Variants in RALY observed in about 807,000 individuals in gnomAD.
RALY encodes the protein RNA-binding protein Raly.
In RALY, 15 loss-of-function variants were observed where a neutral mutation model predicts 30.7. The ratio of observed to expected loss-of-function variants is 0.49; its 90% confidence interval spans 0.33 to 0.75. The LOEUF (loss-of-function observed/expected upper bound fraction) is 0.75, where lower values mean the gene tolerates loss of function less well. Ranked by LOEUF, RALY falls within the 30% of genes least tolerant of loss-of-function variation. The pLI, the probability that RALY is intolerant of heterozygous loss-of-function variation, is 0.02. For missense variants in RALY, 339 were observed against 414.3 expected (o/e 0.82, Z 1.58); for synonymous variants, 177 against 170.8 (o/e 1.04, Z -0.28).
At chr20:34,061,237 T>A (rs983036486) in intron 2 of RALY, among the ~76,000 whole-genome samples, 5 of 152,162 alleles carry the variant, frequency 3.3e-5, no homozygotes, top group African/African-American at 1.2e-4. Flanking sequence ...TAGCATGACG[T>A]AGAGCAGAGA....
chr20:33,995,911 C>G (rs981817411), intron 1 of RALY, among the ~76,000 whole-genome samples: 1 of 152,172 alleles, frequency 6.6e-6, no homozygotes, highest in African/African-American at 2.4e-5. Context: ...TTATTCAGGT[C>G]TTAAGGTCAG....
At chr20:34,041,688 A>G (rs2032707016) in intron 2 of RALY, among the ~76,000 whole-genome samples, 1 of 152,090 alleles carries the variant, frequency 6.6e-6, no homozygotes, top group Non-Finnish European at 1.5e-5. Context: ...TTGTTTCTGT[A>G]TTTTCCCCAG....
chr20:34,058,371 C>A (rs761984061), intron 2 of RALY, among the ~76,000 whole-genome samples: 1 of 152,004 alleles, frequency 6.6e-6, no homozygotes, highest in Non-Finnish European at 1.5e-5. Context: ...TTCATTACAC[C>A]AAGTTTATTA....
At chr20:34,028,565 G>T (rs369472749) in intron 1 of RALY, among the ~76,000 whole-genome samples, 1 of 151,716 alleles carries the variant, frequency 6.6e-6, no homozygotes, top group Non-Finnish European at 1.5e-5. Flanking sequence ...TTAGCCAGGC[G>T]TGGTGGCAGG....
chr20:34,075,922 G>A lies in RALY; in HGVS notation c.426G>A (p.Ala142=), dbSNP rs754298420. The change falls in exon 6 of 10, where the codon GCG becomes GCA. Residue 142 remains alanine, a synonymous_variant. Transcript: ENST00000246194. ...TGTCGCCCGTGCCAGTGCCCAGGGCGGTCCCTGTGAAGCGACCCCGGGTCA... is the reference window on the plus strand; with the variant it reads ...TGTCGCCCGTGCCAGTGCCCAGGGCAGTCCCTGTGAAGCGACCCCGGGTCA... ...GRLSPVPVPR[A]VPVKRPRVTV... 2.2e-5 allele frequency: 35 copies of A among 1,613,976 alleles called. 1 individual carries two copies. The Admixed American group carries it at 5.0e-4, about 23-fold the overall frequency.
At chr20:34,027,718 T>C (rs2032096720) in intron 1 of RALY, among the ~76,000 whole-genome samples, 1 of 152,322 alleles carries the variant, frequency 6.6e-6, no homozygotes, top group South Asian at 2.1e-4. Context: ...ACAGCTAGTA[T>C]CAGGAAATAT....
chr20:34,072,959 TGAGA>T (rs1555809418), intron 3 of RALY, among the ~76,000 whole-genome samples: 1 of 148,892 alleles, frequency 6.7e-6, no homozygotes, highest in African/African-American at 2.5e-5. Context: ...TGTGTGTGTG[TGAGA>T]GAGAGAACAT....
At chr20:34,031,098 T>G (rs937219743) in intron 1 of RALY, among the ~76,000 whole-genome samples, 5 of 138,668 alleles carry the variant, frequency 3.6e-5, no homozygotes, top group Admixed American at 3.0e-4. Context: ...CAGGCTGTAG[T>G]GCAGTGGCAC....
chr20:34,039,598 T>C (rs988602799), intron 2 of RALY, among the ~76,000 whole-genome samples: 4 of 152,238 alleles, frequency 2.6e-5, no homozygotes, highest in African/African-American at 9.6e-5. Flanking sequence ...CCAGCCAGGC[T>C]TTGTCTAGCC....
At chr20:34,054,481 G>T (rs547378398) in intron 2 of RALY, among the ~76,000 whole-genome samples, 1 of 152,200 alleles carries the variant, frequency 6.6e-6, no homozygotes, top group Admixed American at 6.5e-5. Context: ...CGTCACATCA[G>T]TGGGTTTGTA....
At chr20:34,021,904 T>G (rs1192666086) in intron 1 of RALY, among the ~76,000 whole-genome samples, 1 of 151,114 alleles carries the variant, frequency 6.6e-6, no homozygotes, top group African/African-American at 2.4e-5. Context: ...TTCTTTTAAG[T>G]TTTTTTATTA....
At chr20:33,994,522 C>G (rs1294013853) in intron 1 of RALY, among the ~76,000 whole-genome samples, 1 of 152,246 alleles carries the variant, frequency 6.6e-6, no homozygotes, top group Admixed American at 6.5e-5. Flanking sequence ...CCGGGGAGGC[C>G]GCAGGCGGGC....
chr20:34,075,771 C>T (rs973048770), intron 5 of RALY, 103 bp from the exon 6 acceptor site: 2 of 1,305,588 alleles, frequency 1.5e-6, no homozygotes, highest in Non-Finnish European at 2.1e-6. Flanking sequence ...GTAGTGCAGG[C>T]CTCCCAGCCC....
At chr20:34,019,832 C>T (rs1409272202) in intron 1 of RALY, among the ~76,000 whole-genome samples, 5 of 152,088 alleles carry the variant, frequency 3.3e-5, no homozygotes, top group East Asian at 1.9e-4. Flanking sequence ...GAGGCCGAGG[C>T]GGGCGGATCA....
At chr20:34,048,269 G>A (rs143928835) in intron 2 of RALY, among the ~76,000 whole-genome samples, 41 of 152,302 alleles carry the variant, frequency 2.7e-4, no homozygotes, top group African/African-American at 9.1e-4. Flanking sequence ...CCAATGGGCT[G>A]GGAGGCTCCT....
intron 1 of RALY, among the ~76,000 whole-genome samples, chr20:34,028,774 G>A (rs938573327): frequency 4.8e-5 from 7 of 147,346 alleles, no homozygotes; most frequent in African/African-American, 7.6e-5. Flanking sequence ...TCAGGATTAC[G>A]TCATAGATTC....
At chr20:34,078,633 G>C in intron 9 of RALY, 80 bp downstream of exon 9, 3 of 1,329,526 alleles carry the variant, frequency 2.3e-6, no homozygotes, top group Non-Finnish European at 3.0e-6. Context: ...GATTGGGCAG[G>C]AAGTGTCACG....
chr20:34,042,607 A>T (rs1300029157), intron 2 of RALY, among the ~76,000 whole-genome samples: 2 of 152,352 alleles, frequency 1.3e-5, no homozygotes, highest in East Asian at 3.9e-4. Context: ...AGCATGTGTC[A>T]GGTTTTGTTT....
At chr20:34,073,941 C>T in intron 5 of RALY, 75 bp downstream of exon 5, 1 of 1,518,766 alleles carries the variant, frequency 6.6e-7, no homozygotes, top group Non-Finnish European at 9.1e-7. Context: ...TGGTGCAGCC[C>T]ACTGAGTTCT....
Sources: gnomAD v4.1 joint callset for allele counts (sites outside exome capture counted in the v4.1 genomes callset) on GRCh38, gnomAD v4.1.1 for gene constraint, MANE v1.5 for transcripts, NCBI Gene and HGNC (gene_info 2026-07-23, HGNC 2026-07-21) for gene names.